The following QDPR variants were observed in gnomAD, a reference collection of about 807,000 sequenced individuals.
QDPR encodes dihydropteridine reductase.
In QDPR, 23 loss-of-function variants were observed where a neutral mutation model predicts 31.7. The observed-to-expected ratio is 0.73, with a 90% confidence interval of 0.52 to 1.03. The LOEUF (loss-of-function observed/expected upper bound fraction) is 1.03, where lower values mean the gene tolerates loss of function less well. Ranked by LOEUF, QDPR falls within the 50% of genes least tolerant of loss-of-function variation. The probability of loss-of-function intolerance (pLI) is 0.00; values close to 1 mark genes in which losing one functional copy is unlikely to be tolerated. For synonymous variants in QDPR, 124 were observed against 124.7 expected (o/e 0.99, Z 0.03); for missense variants, 324 against 323.8 (o/e 1.00, Z 0.00).
chr4:17,511,640 C>T (rs1441974366), intron 1 of QDPR, among the ~76,000 whole-genome samples: 2 of 152,212 alleles, frequency 1.3e-5, no homozygotes, highest in Non-Finnish European at 2.9e-5. Context: ...CACTCTCTCT[C>T]CGTCCTCTCA....
intron 1 of QDPR, chr4:17,509,883 A>G (rs1364394538): frequency 2.2e-6 from 1 of 452,462 alleles, no homozygotes; most frequent in Non-Finnish European, 4.4e-6. Flanking sequence ...CTGCACTTCT[A>G]GAGACATCAA....
intron 4 of QDPR, among the ~76,000 whole-genome samples, chr4:17,496,643 T>G (rs1475050220): frequency 2.1e-5 from 3 of 142,998 alleles, no homozygotes; most frequent in African/African-American, 7.6e-5. Context: ...GGTGCTTTTC[T>G]TTTTTTTTTT....
chr4:17,499,490 A>G (rs1316677285), intron 4 of QDPR, among the ~76,000 whole-genome samples: 1 of 152,230 alleles, frequency 6.6e-6, no homozygotes, highest in Non-Finnish European at 1.5e-5. Context: ...CCAACCAGAC[A>G]GCTAACATTT....
intron 4 of QDPR, among the ~76,000 whole-genome samples, chr4:17,501,362 G>T (rs1381490325): frequency 3.3e-5 from 5 of 152,184 alleles, no homozygotes; most frequent in Admixed American, 2.0e-4. Context: ...ATTTCCAGCT[G>T]CTAAGCTGCT....
At chr4:17,498,205 C>T (rs544431464) in intron 4 of QDPR, among the ~76,000 whole-genome samples, 1 of 152,162 alleles carries the variant, frequency 6.6e-6, no homozygotes, top group Non-Finnish European at 1.5e-5. Context: ...GTGGAGGCAT[C>T]GCAAGTCCAG....
intron 4 of QDPR, 155 bp from the exon 5 acceptor site, chr4:17,492,495 T>C (rs1718204614): frequency 3.0e-6 from 2 of 664,440 alleles, no homozygotes; most frequent in Admixed American, 4.7e-5. Flanking sequence ...CCAACCCCCA[T>C]CAAAAAATGG....
At chr4:17,490,794 A>C in intron 5 of QDPR, 49 bp from the exon 6 acceptor site, 1 of 1,486,898 alleles carries the variant, frequency 6.7e-7, no homozygotes. Flanking sequence ...CCTTTCTAAC[A>C]ACAGGTGCCC....
At chr4:17,501,524 A>G (rs1718560403) in intron 4 of QDPR, among the ~76,000 whole-genome samples, 195 bp downstream of exon 4, 1 of 152,148 alleles carries the variant, frequency 6.6e-6, no homozygotes, top group African/African-American at 2.4e-5. Flanking sequence ...CACCATAAAC[A>G]TAAGGACAGG....
chr4:17,495,418 C>T (rs868843737), intron 4 of QDPR, among the ~76,000 whole-genome samples: 2 of 152,160 alleles, frequency 1.3e-5, no homozygotes, highest in Non-Finnish European at 2.9e-5. Context: ...CTCCCAGGAA[C>T]GGCACAGCAC....
At chr4:17,499,102 C>G (rs929457908) in intron 4 of QDPR, among the ~76,000 whole-genome samples, 1 of 152,192 alleles carries the variant, frequency 6.6e-6, no homozygotes. Flanking sequence ...CTTTCTCATC[C>G]ATTTAGATCC....
At chr4:17,502,009 C>A (rs550192061) in intron 3 of QDPR, 150 bp from the exon 4 acceptor site, 13 of 936,210 alleles carry the variant, frequency 1.4e-5, no homozygotes, top group African/African-American at 1.3e-4. Context: ...GCACAGGGCT[C>A]AGTGGTCAGA....
At chr4:17,488,203 G>GAA (rs1718036420) in intron 6 of QDPR, among the ~76,000 whole-genome samples, 1 of 151,854 alleles carries the variant, frequency 6.6e-6, no homozygotes, top group African/African-American at 2.4e-5. Context: ...CAAGGCTAGG[G>GAA]TAAGCCATGA....
Position 17,489,974 on chromosome 4 carries a change from C to T in QDPR, c.629+688G>A, listed in dbSNP as rs548392893. The T allele has an allele frequency of 9.3e-4, 151 of 162,056 alleles. 1 individual carries two copies. The highest frequency in any genetic ancestry group is 3.4e-3 in the African/African-American group (144 of 41,868). 10.0% of individuals were successfully genotyped at this position (162,056 alleles called of 1,614,324 possible). On this transcript the variant is annotated intron_variant, in intron 6 of 6. Transcript: ENST00000281243. ...TTTGTCCTCACCGTGACCCCAGAGC[C>T]GAGGGCAGCACCTGGCCCATAGTGG...
intron 6 of QDPR, among the ~76,000 whole-genome samples, chr4:17,488,216 G>A (rs966598543): frequency 2.6e-5 from 4 of 151,748 alleles, no homozygotes; most frequent in Admixed American, 6.6e-5. Context: ...AGCCATGATC[G>A]TGACACTGCA....
rs761619802 is a variant in QDPR, at chr4:17,492,231, C to T, written c.545+1G>A. 1.7e-5 allele frequency: 28 copies of T among 1,613,164 alleles called. No individual in the cohort carries two copies. Among genetic ancestry groups the T allele is most frequent in the African/African-American group, 4.0e-5 (3 of 74,926 alleles). On this transcript the variant is annotated splice_donor_variant, in intron 5 of 6. Transcript: ENST00000281243. LOFTEE classifies it high-confidence loss of function. ...GCAGCCAGGGAACCCCAAGCACTTA[C>T]GGGAGCACAGCGATGGCGGCTGCCC...
intron 2 of QDPR, among the ~76,000 whole-genome samples, chr4:17,506,618 G>A (rs562936634): frequency 6.6e-6 from 1 of 152,324 alleles, no homozygotes; most frequent in Admixed American, 6.5e-5. Context: ...CATTTAAAAG[G>A]AGGATAAAAT....
rs575571336 is a variant in QDPR at position 17,490,836 on chromosome 4, C to A, written c.546-91G>T. 45 of 926,304 alleles carry A rather than the reference C, an allele frequency of 4.9e-5. No homozygotes were observed. In the East Asian group the frequency reaches 1.2e-3, roughly 24 times the overall value. The allele number at this position is 926,304 out of a possible 1,614,324, so 57.4% of individuals were successfully genotyped here. On this transcript the variant is annotated intron_variant, in intron 5 of 6. Coordinates refer to ENST00000281243, the MANE Select transcript of QDPR (RefSeq NM_000320.3). Reference sequence around the variant, plus strand: ...CCTTGGCCAGGAAAACGCAAACATACAGCAGGACAACCTAGAGCCTCTGGC... The same window carrying A: ...CCTTGGCCAGGAAAACGCAAACATAAAGCAGGACAACCTAGAGCCTCTGGC...
intron 4 of QDPR, among the ~76,000 whole-genome samples, chr4:17,499,243 G>A (rs937582897): frequency 2.0e-5 from 3 of 152,186 alleles, no homozygotes; most frequent in African/African-American, 4.8e-5. Flanking sequence ...AAGTGGCAGA[G>A]CCTTAAGAGA....
At chr4:17,509,804 C>T (rs146681691) in intron 1 of QDPR, 147 of 362,816 alleles carry the variant, frequency 4.1e-4, no homozygotes, top group African/African-American at 2.9e-3. Context: ...CTATATTGGG[C>T]TCCATCCCAG....
Sources: gnomAD v4.1 joint callset for allele counts (sites outside exome capture counted in the v4.1 genomes callset) on GRCh38, gnomAD v4.1.1 for gene constraint, MANE v1.5 for transcripts, NCBI Gene and HGNC (gene_info 2026-07-23, HGNC 2026-07-21) for gene names.